Variants in PGAP1 observed in about 807,000 individuals in gnomAD.
The protein encoded by PGAP1 is post-GPI attachment to proteins inositol deacylase 1.
In PGAP1, 76 loss-of-function variants were observed where a neutral mutation model predicts 127.0. The ratio of observed to expected loss-of-function variants is 0.60; its 90% CI spans 0.50 to 0.72. The LOEUF is 0.72. PGAP1 is among the 30% of genes least tolerant of loss of function. The pLI is 0.00. For missense variants in PGAP1, 982 were observed against 1,071.3 expected (o/e 0.92, Z 1.16); for synonymous variants, 362 against 366.5 (o/e 0.99, Z 0.14).
At position 196,865,137 on chromosome 2, in the gene PGAP1, T is replaced by C. The variant is rs532752617; in HGVS notation, c.1768-57A>G. ...TGAATATTCATGTTAATAAGTGTACTTTCACATAAAATTTAAAAGTTGCTC... is the reference window on the plus strand; with the variant it reads ...TGAATATTCATGTTAATAAGTGTACCTTCACATAAAATTTAAAAGTTGCTC... On this transcript the variant is annotated intron_variant, in intron 19 of 26. Transcript: ENST00000354764. 2.5e-5 allele frequency: 24 copies of C among 969,154 alleles called. No homozygotes were observed. In the Admixed American group the frequency reaches 5.4e-4, roughly 22 times the overall value. The allele number at this position is 969,154 out of a possible 1,614,324, so 60.0% of individuals were successfully genotyped here. A position where few individuals can be genotyped will look rare whatever the true frequency, so the allele number is the denominator to read the frequency against.
At chr2:196,894,587 G>A (rs1702212871) in intron 7 of PGAP1, among the ~76,000 whole-genome samples, 1 of 152,158 alleles carries the variant, frequency 6.6e-6, no homozygotes, top group South Asian at 2.1e-4. Flanking sequence ...TGGATCACAA[G>A]GTCAGGAGAT....
intron 24 of PGAP1, 151 bp downstream of exon 24, chr2:196,844,373 T>C: frequency 1.8e-6 from 1 of 555,154 alleles, no homozygotes; most frequent in Non-Finnish European, 3.1e-6. Context: ...CTTATAAGTC[T>C]TTTAAAATAT....
At chr2:196,896,493 C>A (rs1038957255) in intron 7 of PGAP1, among the ~76,000 whole-genome samples, 24 of 151,936 alleles carry the variant, frequency 1.6e-4, no homozygotes, top group African/African-American at 5.8e-4. Context: ...ATGATGTTTA[C>A]AATGTATTAC....
At chr2:196,858,194 G>A (rs1700949931) in intron 20 of PGAP1, among the ~76,000 whole-genome samples, 1 of 152,126 alleles carries the variant, frequency 6.6e-6, no homozygotes, top group South Asian at 2.1e-4. Flanking sequence ...GAGGTCAGGA[G>A]ATCGAGACCA....
chr2:196,920,646 C>T (rs906286814), intron 1 of PGAP1, among the ~76,000 whole-genome samples: 3 of 152,092 alleles, frequency 2.0e-5, no homozygotes, highest in African/African-American at 7.2e-5. Flanking sequence ...TTTTATAATG[C>T]AGCTTTCTGA....
At chr2:196,906,012 C>T (rs893878118) in intron 4 of PGAP1, among the ~76,000 whole-genome samples, 38 of 75,308 alleles carry the variant, frequency 5.0e-4, no homozygotes, top group Non-Finnish European at 9.5e-4. Flanking sequence ...AAGGCGGCAA[C>T]GAGGCTGGGG....
chr2:196,888,457 A>T (rs1701990227), intron 10 of PGAP1, among the ~76,000 whole-genome samples: 1 of 152,212 alleles, frequency 6.6e-6, no homozygotes, highest in South Asian at 2.1e-4. Context: ...TACTATAAAA[A>T]ATTAATCTGA....
intron 1 of PGAP1, among the ~76,000 whole-genome samples, chr2:196,922,853 T>G (rs552138312): frequency 1.3e-5 from 2 of 150,590 alleles, no homozygotes; most frequent in African/African-American, 4.9e-5. Context: ...TTGGCTAATT[T>G]TTTGAATTTT....
At chr2:196,871,362 T>C (rs1462840085) in intron 18 of PGAP1, among the ~76,000 whole-genome samples, 1 of 152,168 alleles carries the variant, frequency 6.6e-6, no homozygotes, top group Non-Finnish European at 1.5e-5. Context: ...ATACAACTTT[T>C]TGATAATTAG....
intron 20 of PGAP1, among the ~76,000 whole-genome samples, chr2:196,854,653 T>C (rs916612068): frequency 1.8e-4 from 28 of 152,344 alleles, no homozygotes; most frequent in African/African-American, 6.3e-4. Flanking sequence ...TTCATCAGAT[T>C]TTAACCATGA....
chr2:196,864,385 C>T (rs1053579247), intron 20 of PGAP1, among the ~76,000 whole-genome samples: 16 of 80,776 alleles, frequency 2.0e-4, no homozygotes, highest in African/African-American at 8.3e-4. Flanking sequence ...AGCAAAACTA[C>T]GTCTCAAAAA....
intron 20 of PGAP1, among the ~76,000 whole-genome samples, chr2:196,861,625 C>G (rs747323705): frequency 6.6e-6 from 1 of 152,074 alleles, no homozygotes; most frequent in African/African-American, 2.4e-5. Context: ...CGCCTGAGGT[C>G]AGGAGTTTGA....
intron 22 of PGAP1, 141 bp downstream of exon 22, chr2:196,846,862 T>C (rs1196830935): frequency 9.1e-6 from 6 of 655,868 alleles, no homozygotes; most frequent in Non-Finnish European, 2.5e-6. Context: ...GACATAACTT[T>C]GAACACTAAC....
rs1212605373 is a variant in PGAP1, at chr2:196,836,121, TG to T, written c.*5112del. 3.3e-5 allele frequency: 5 copies of T among 152,448 alleles called. No individual in the cohort carries two copies. The highest frequency in any genetic ancestry group is 9.7e-5 in the African/African-American group (4 of 41,446). The allele number at this position is 152,448 out of a possible 1,614,324, so 9.4% of individuals were successfully genotyped here. ...ACCAACAGATACAGTTTTTCATAAGTGTTCAAAGTTACAATGTACAGAATGA... is the reference window on the plus strand; with the variant it reads ...ACCAACAGATACAGTTTTTCATAAGTTTCAAAGTTACAATGTACAGAATGA... On this transcript the variant is annotated 3_prime_UTR_variant, in exon 27 of 27. Coordinates refer to ENST00000354764, the MANE Select transcript of PGAP1 (RefSeq NM_024989.4).
intron 13 of PGAP1, among the ~76,000 whole-genome samples, chr2:196,877,796 T>C (rs1701611451): frequency 6.6e-6 from 1 of 152,142 alleles, no homozygotes; most frequent in Non-Finnish European, 1.5e-5. Context: ...CAATAAACAT[T>C]TTCTTGAGCA....
chr2:196,922,230 A>T, intron 1 of PGAP1: 1 of 1,263,912 alleles, frequency 7.9e-7, no homozygotes, highest in Non-Finnish European at 1.0e-6. Flanking sequence ...ACTCCCAGGT[A>T]ATAGAAAAAT....
rs976941454 is a variant in PGAP1, at chr2:196,838,077, C to G, written c.*3157G>C. On this transcript the variant is annotated 3_prime_UTR_variant, in exon 27 of 27. Coordinates refer to ENST00000354764, the MANE Select transcript of PGAP1 (RefSeq NM_024989.4). ...AAAAAACAGTGTTAGCAATCTCTAC[C>G]TATTATCAGTTCCAAATTACAATCA... is the stretch of plus-strand genomic sequence containing the variant. 2 of 152,158 alleles carry G rather than the reference C, an allele frequency of 1.3e-5. No individual in the cohort carries two copies. Among genetic ancestry groups the G allele is most frequent in the African/African-American group, 4.8e-5 (2 of 41,446 alleles). The allele number at this position is 152,158 out of a possible 1,614,324, so 9.4% of individuals were successfully genotyped here. A position where few individuals can be genotyped will look rare whatever the true frequency, so the allele number is the denominator to read the frequency against.
At chr2:196,873,172 G>A (rs555560877) in intron 16 of PGAP1, 146 bp from the exon 17 acceptor site, 24 of 447,690 alleles carry the variant, frequency 5.4e-5, no homozygotes, top group Middle Eastern at 5.8e-4. Flanking sequence ...AAATTATGGC[G>A]AATTCCTAAA....
Position 196,872,949 on chromosome 2 carries a change from C to G in PGAP1, c.1619+11G>C. 1 of 909,642 alleles carries G rather than the reference C, an allele frequency of 1.1e-6. No homozygotes were observed. Among genetic ancestry groups the G allele is most frequent in the Non-Finnish European group, 1.7e-6 (1 of 578,588 alleles). 56.3% of individuals were successfully genotyped at this position (909,642 alleles called of 1,614,324 possible). A position where few individuals can be genotyped will look rare whatever the true frequency, so the allele number is the denominator to read the frequency against. On this transcript the variant is annotated intron_variant, in intron 17 of 26. Coordinates refer to ENST00000354764, the MANE Select transcript of PGAP1 (RefSeq NM_024989.4). ...CACCAAAGTTTAAAGTAAATTCTTT[C>G]AAATACTTACTGTGCAATGGTTAGT...
Sources: gnomAD v4.1 joint callset for allele counts (sites outside exome capture counted in the v4.1 genomes callset) on GRCh38, gnomAD v4.1.1 for gene constraint, MANE v1.5 for transcripts, NCBI Gene and HGNC (gene_info 2026-07-23, HGNC 2026-07-21) for gene names.